DAB1: variants seen among roughly 807,000 people sequenced by gnomAD.
DAB1 encodes DAB adaptor protein 1.
A neutral mutation model predicts 64.6 loss-of-function variants in DAB1; 15 were observed. The observed-to-expected ratio is 0.23, with a 90% CI of 0.16 to 0.36. The LOEUF (loss-of-function observed/expected upper bound fraction) is 0.36. Ranked by LOEUF, DAB1 falls within the 10% of genes least tolerant of loss-of-function variation. The probability of loss-of-function intolerance (pLI) is 1.00; values close to 1 mark genes in which losing one functional copy is unlikely to be tolerated. For missense variants in DAB1, 596 were observed against 706.7 expected (o/e 0.84, Z 1.78); for synonymous variants, 235 against 251.9 (o/e 0.93, Z 0.64).
In DAB1 at chr1:57,057,512, G is replaced by A. The variant is rs570973035; in HGVS notation, c.723+5372C>T. On this transcript the variant is annotated intron_variant, in intron 9 of 14. Transcript: ENST00000371236. ...AAAAATTTTAGCGGTTTTCAGACAAGTATCTGGCAAATTCACTGGGCCCAA... is the reference window on the plus strand; with the variant it reads ...AAAAATTTTAGCGGTTTTCAGACAAATATCTGGCAAATTCACTGGGCCCAA... Among the ~76,000 whole-genome samples, 4 of 152,030 alleles carry A rather than the reference G, an allele frequency of 2.6e-5. No individual in the cohort carries two copies. In the East Asian group the frequency reaches 5.8e-4, roughly 22 times the overall value.
chr1:58,453,528 C>T (rs12746708), intron 3 of DAB1, among the ~76,000 whole-genome samples: 6 of 152,182 alleles, frequency 3.9e-5, no homozygotes, highest in African/African-American at 9.7e-5. Context: ...TCCTGCCTCT[C>T]GAAATTCCTC....
At position 58,061,706 on chromosome 1, in the gene DAB1, A is replaced by G. The variant is rs949946083; in HGVS notation, n.387+88805T>C. 7.2e-5 allele frequency among the ~76,000 whole-genome samples: 11 copies of G among 152,200 alleles called. No individual in the cohort carries two copies. In the South Asian group the frequency reaches 1.4e-3, roughly 20 times the overall value. On this transcript the variant is annotated intron_variant and non_coding_transcript_variant, in intron 5 of 20. Transcript: ENST00000485760. ...GGAGGGGTACAACTCCACCCATAAC[A>G]TTCTCTAAGGCTGTTCTCTTCTCAG...
intron 7 of DAB1, among the ~76,000 whole-genome samples, chr1:57,629,876 G>A (rs1471784992): frequency 6.6e-6 from 1 of 151,558 alleles, no homozygotes; most frequent in Admixed American, 6.6e-5. Context: ...ATTACATTAA[G>A]GCTCCTCTCA....
chr1:58,476,729 T>C (rs1557432605), intron 3 of DAB1, among the ~76,000 whole-genome samples: 4 of 152,248 alleles, frequency 2.6e-5, no homozygotes, highest in African/African-American at 7.2e-5. Flanking sequence ...ATGGATATTT[T>C]TACCATCTGT....
At chr1:57,731,404 G>T (rs1232587146) in intron 6 of DAB1, among the ~76,000 whole-genome samples, 1 of 151,934 alleles carries the variant, frequency 6.6e-6, no homozygotes, top group Non-Finnish European at 1.5e-5. Flanking sequence ...AGGTGGTGAT[G>T]GTCACACAAC....
At position 57,339,130 on chromosome 1, in the gene DAB1, C is replaced by T. The variant is rs1454207680; in HGVS notation, c.-136-47964G>A. On this transcript the variant is annotated intron_variant, in intron 1 of 14. Transcript: ENST00000371236. ...TTACTGACTTAGGAAAAAAATACGG[C>T]TTCTTTCTTTTTTTTTTTTAATTAA... Among the ~76,000 whole-genome samples, 3 of 130,744 alleles carry T rather than the reference C, an allele frequency of 2.3e-5. 1 individual carries two copies. The East Asian group carries it at 5.9e-4, about 26-fold the overall frequency. 85.8% of individuals were successfully genotyped at this position (130,744 alleles called of 152,430 possible).
intron 3 of DAB1, among the ~76,000 whole-genome samples, chr1:58,494,837 C>G (rs1645767472): frequency 6.6e-6 from 1 of 152,160 alleles, no homozygotes; most frequent in African/African-American, 2.4e-5. Context: ...TAAACTAGTT[C>G]AAACATTGTG....
chr1:57,650,741 T>A (rs914600435), intron 6 of DAB1, among the ~76,000 whole-genome samples: 9 of 152,130 alleles, frequency 5.9e-5, no homozygotes, highest in African/African-American at 2.2e-4. Flanking sequence ...AGCTCCAATA[T>A]CACAATTCCT....
intron 3 of DAB1, among the ~76,000 whole-genome samples, chr1:58,405,055 C>T (rs1644603343): frequency 1.3e-5 from 2 of 152,198 alleles, no homozygotes; most frequent in African/African-American, 2.4e-5. Context: ...TTTAACACTT[C>T]AGGATCATTT....
At chr1:57,869,519 G>C (rs1321573413) in intron 1 of DAB1, among the ~76,000 whole-genome samples, 1 of 152,084 alleles carries the variant, frequency 6.6e-6, no homozygotes, top group Non-Finnish European at 1.5e-5. Context: ...CCTACTCTGA[G>C]CTCCTCATTT....
chr1:57,731,389 T>A (rs1410527105), intron 6 of DAB1, among the ~76,000 whole-genome samples: 1 of 151,940 alleles, frequency 6.6e-6, no homozygotes, highest in Non-Finnish European at 1.5e-5. Context: ...TGTTCTGGAG[T>A]TGGAAGGTGG....
chr1:57,891,137 G>A (rs980821947), intron 5 of DAB1, among the ~76,000 whole-genome samples: 3 of 152,134 alleles, frequency 2.0e-5, no homozygotes, highest in African/African-American at 7.2e-5. Context: ...CTAATATCCA[G>A]AATCTACAAA....
At chr1:58,215,032 T>TGTCTTCCCCTTGCCCATAC (rs1658769255) in intron 4 of DAB1, among the ~76,000 whole-genome samples, 1 of 152,208 alleles carries the variant, frequency 6.6e-6, no homozygotes, top group Admixed American at 6.5e-5. Flanking sequence ...GCAGAGATGC[T>TGTCTTCCCCTTGCCCATAC]GTCTTCCCCT....
rs143198069 is a variant in DAB1 at position 57,957,282 on chromosome 1, T to C, written n.388-73120A>G. 3.5e-3 allele frequency among the ~76,000 whole-genome samples: 527 copies of C among 152,210 alleles called. 9 individuals are homozygous for C. The highest frequency in any genetic ancestry group is 7.4e-4 in the Non-Finnish European group (50 of 68,020). On this transcript the variant is annotated intron_variant and non_coding_transcript_variant, in intron 5 of 20. Transcript: ENST00000485760. ...CTCAGTATTTTTGTAAGTAATACTA[T>C]GGAATCAGCTGAATAAGTGGATATC...
At chr1:57,499,934 GT>G (rs1292887470) in intron 7 of DAB1, among the ~76,000 whole-genome samples, 1 of 152,160 alleles carries the variant, frequency 6.6e-6, no homozygotes, top group East Asian at 1.9e-4. Flanking sequence ...CTAGCTTGGT[GT>G]TTTTCACATT....
chr1:57,336,682 G>A (rs1677105884), intron 1 of DAB1, among the ~76,000 whole-genome samples: 2 of 152,154 alleles, frequency 1.3e-5, no homozygotes, highest in South Asian at 4.2e-4. Flanking sequence ...TGGCTTTTGA[G>A]TCTGGGCTCT....
At chr1:57,761,608 A>G (rs2101818367) in intron 6 of DAB1, among the ~76,000 whole-genome samples, 1 of 152,324 alleles carries the variant, frequency 6.6e-6, no homozygotes, top group South Asian at 2.1e-4. Context: ...AAGTTTTCTG[A>G]GCCCTCTCAT....
At chr1:57,405,666 G>A (rs1465417905) in intron 1 of DAB1, among the ~76,000 whole-genome samples, 1 of 152,160 alleles carries the variant, frequency 6.6e-6, no homozygotes, top group Non-Finnish European at 1.5e-5. Flanking sequence ...GCAACCATCA[G>A]ATGAACCTTA....
chr1:56,996,412 C>A lies in DAB1; in HGVS notation c.*1732G>T, dbSNP rs974012244. On this transcript the variant is annotated 3_prime_UTR_variant, in exon 15 of 15. Coordinates refer to ENST00000371236, the MANE Select transcript of DAB1 (RefSeq NM_001365792.1). ...ACCTGTATAACAATTCTCTGTAGGG[C>A]AAAAATATATAGATTCTTTATGAAA... is the stretch of plus-strand genomic sequence containing the variant. The A allele has an allele frequency of 6.6e-6, 1 of 152,100 alleles. No individual in the cohort carries two copies. The highest frequency in any genetic ancestry group is 2.4e-5 in the African/African-American group (1 of 41,432). The allele number at this position is 152,100 out of a possible 1,614,324, so 9.4% of individuals were successfully genotyped here.
Sources: gnomAD v4.1 joint callset for allele counts (sites outside exome capture counted in the v4.1 genomes callset) on GRCh38, gnomAD v4.1.1 for gene constraint, MANE v1.5 for transcripts, NCBI Gene and HGNC (gene_info 2026-07-23, HGNC 2026-07-21) for gene names.